Variants in CORIN observed in about 807,000 individuals in gnomAD.
CORIN encodes the protein corin, serine peptidase, also known as atrial natriuretic peptide-converting enzyme.
Under a neutral mutation model 125.3 loss-of-function variants are expected in CORIN, and 117 were observed. The ratio of observed to expected loss-of-function variants is 0.93; its 90% CI spans 0.80 to 1.09. The LOEUF is 1.09. Ranked by LOEUF, CORIN falls within the 50% of genes least tolerant of loss-of-function variation. CORIN has a pLI of 0.00. For missense variants in CORIN, 1,253 were observed against 1,306.7 expected, an observed-to-expected ratio of 0.96 and a Z score of 0.63; for synonymous variants, 450 against 466.4, an observed-to-expected ratio of 0.96 and a Z score of 0.45.
chr4:47,753,538 T>C (rs1577892451), intron 4 of CORIN, among the ~76,000 whole-genome samples: 1 of 152,102 alleles, frequency 6.6e-6, no homozygotes, highest in Non-Finnish European at 1.5e-5. Context: ...TGGCCGTTTA[T>C]AGACCTCCCC....
intron 4 of CORIN, among the ~76,000 whole-genome samples, chr4:47,752,054 G>A (rs1728926657): frequency 6.6e-6 from 1 of 151,952 alleles, no homozygotes; most frequent in Non-Finnish European, 1.5e-5. Context: ...ATGACAGGAT[G>A]CTCAGTATAT....
chr4:47,751,234 C>A (rs1167119015), intron 4 of CORIN, among the ~76,000 whole-genome samples: 1 of 152,248 alleles, frequency 6.6e-6, no homozygotes, highest in South Asian at 2.1e-4. Flanking sequence ...CCTTCTCCAC[C>A]ACTTCTACCA....
chr4:47,684,556 A>G (rs1186445020), intron 6 of CORIN, among the ~76,000 whole-genome samples: 2 of 152,200 alleles, frequency 1.3e-5, no homozygotes, highest in African/African-American at 2.4e-5. Flanking sequence ...TGTTAGTTCA[A>G]GTCTAGGAGT....
intron 1 of CORIN, among the ~76,000 whole-genome samples, chr4:47,830,999 C>T (rs751439658): frequency 3.9e-5 from 6 of 152,212 alleles, no homozygotes; most frequent in Non-Finnish European, 7.3e-5. Context: ...GCTGGAGACA[C>T]CAAAATGGTC....
chr4:47,705,557 G>A (rs1235899530), intron 5 of CORIN, among the ~76,000 whole-genome samples: 1 of 152,140 alleles, frequency 6.6e-6, no homozygotes, highest in Non-Finnish European at 1.5e-5. Flanking sequence ...AGAGAAACTA[G>A]GTCAGATTTC....
chr4:47,607,924 G>A (rs1197813474), intron 19 of CORIN, among the ~76,000 whole-genome samples: 1 of 149,374 alleles, frequency 6.7e-6, no homozygotes, highest in Non-Finnish European at 1.5e-5. Flanking sequence ...TCCAGCCTGG[G>A]CTACAGGGCT....
At chr4:47,741,931 G>C (rs144942215) in intron 5 of CORIN, among the ~76,000 whole-genome samples, 1 of 151,914 alleles carries the variant, frequency 6.6e-6, no homozygotes, top group African/African-American at 2.4e-5. Context: ...CTGCTAATGC[G>C]TGTAGGTTTC....
chr4:47,652,587 ATACATTG>A (rs1723782582), intron 13 of CORIN: 1 of 152,222 alleles, frequency 6.6e-6, no homozygotes, highest in East Asian at 1.9e-4. Context: ...CTATTCCCTA[ATACATTG>A]TGGTTACAAG....
chr4:47,740,754 T>C (rs377312998), intron 5 of CORIN, among the ~76,000 whole-genome samples: 1 of 151,890 alleles, frequency 6.6e-6, no homozygotes, highest in Admixed American at 6.6e-5. Flanking sequence ...TCAAGAAAGA[T>C]AGATAGATCA....
At chr4:47,595,964 G>T in intron 21 of CORIN, 61 bp from the exon 22 acceptor site, 1 of 1,375,064 alleles carries the variant, frequency 7.3e-7, no homozygotes. Context: ...GTGTGTCCAT[G>T]CTATCCTGAG....
chr4:47,677,294 G>A lies in CORIN; in HGVS notation c.1249+644C>T, dbSNP rs185582405. Among the ~76,000 whole-genome samples, 89 of 152,292 alleles carry A rather than the reference G, an allele frequency of 5.8e-4. 2 individuals are homozygous for A. Among genetic ancestry groups the A allele is most frequent in the Admixed American group, 5.2e-3 (79 of 15,300 alleles). On this transcript the variant is annotated intron_variant, in intron 9 of 21. Coordinates refer to ENST00000273857, the MANE Select transcript of CORIN (RefSeq NM_006587.4). ...AGGCTTGATCCTGGGTATCAGGGCT[G>A]CAACAATCATGTTATTAACAACTAG...
rs1159131315 is a variant in CORIN at position 47,595,702 on chromosome 4, T to TCTC, written c.*16_*18dup. The stretch of plus-strand genomic sequence containing the variant: ...TTTCTTTTAGTGTAGCTGGCAAAAG[T>TCTC]CTCTGATCATCCTTATAATTAGTTT... On this transcript the variant is annotated 3_prime_UTR_variant, in exon 22 of 22. Coordinates refer to ENST00000273857, the MANE Select transcript of CORIN (RefSeq NM_006587.4). The TCTC allele has an allele frequency of 2.9e-5, 45 of 1,575,680 alleles. No individual in the cohort carries two copies. The highest frequency in any genetic ancestry group is 3.6e-5 in the Non-Finnish European group (42 of 1,163,628).
At chr4:47,726,045 T>C (rs193260282) in intron 5 of CORIN, among the ~76,000 whole-genome samples, 60 of 152,186 alleles carry the variant, frequency 3.9e-4, no homozygotes, top group Middle Eastern at 3.4e-3. Flanking sequence ...CACAGTGAGA[T>C]GCTTCTACAC....
chr4:47,836,440 C>A (rs1311296951), intron 1 of CORIN, among the ~76,000 whole-genome samples: 1 of 152,206 alleles, frequency 6.6e-6, no homozygotes, highest in Non-Finnish European at 1.5e-5. Context: ...ACCAGTAAGT[C>A]CTGACTTCAC....
chr4:47,766,822 T>A (rs1364081587), intron 3 of CORIN, among the ~76,000 whole-genome samples: 1 of 151,402 alleles, frequency 6.6e-6, no homozygotes, highest in Non-Finnish European at 1.5e-5. Flanking sequence ...GGTGGGCGCC[T>A]GTAATCCCAG....
chr4:47,683,859 C>T (rs1725396657), intron 6 of CORIN, 21 bp from the exon 7 acceptor site: 2 of 1,565,540 alleles, frequency 1.3e-6, no homozygotes, highest in Non-Finnish European at 1.8e-6. Flanking sequence ...AAGAAGCCAC[C>T]AGTGTGTCAT....
rs750983513 is a variant in CORIN, at chr4:47,623,673, C to T, written c.2438G>A (p.Trp813Ter). The change falls in exon 19 of 22, where the codon TGG becomes TAG. Residue 813 changes from tryptophan to a stop codon, truncating the protein, a stop_gained. Transcript: ENST00000273857. LOFTEE classifies it high-confidence loss of function. ...ACTCTGCAGAGAACACTGCCATGGC[C>T]ACCTTCCAGGGCGACTCGTCCGACC... ...LGGRTSRPGR[W>*]PWQCSLQSEP... 1.6e-5 allele frequency: 26 copies of T among 1,614,098 alleles called. No homozygotes were observed. The East Asian group carries it at 5.8e-4, about 36-fold the overall frequency.
At chr4:47,756,683 A>C (rs901158977) in intron 4 of CORIN, among the ~76,000 whole-genome samples, 8 of 152,246 alleles carry the variant, frequency 5.3e-5, no homozygotes, top group South Asian at 2.1e-4. Flanking sequence ...TATTAAGAAT[A>C]GTTGTTTAGG....
chr4:47,662,904 A>G (rs1724315192), intron 11 of CORIN, among the ~76,000 whole-genome samples: 2 of 152,208 alleles, frequency 1.3e-5, no homozygotes, highest in South Asian at 4.1e-4. Context: ...GGCTTAGCCC[A>G]GGAATTTGTG....
Sources: gnomAD v4.1 joint callset for allele counts (sites outside exome capture counted in the v4.1 genomes callset) on GRCh38, gnomAD v4.1.1 for gene constraint, MANE v1.5 for transcripts, NCBI Gene and HGNC (gene_info 2026-07-23, HGNC 2026-07-21) for gene names.